The following FREM2 variants were observed in gnomAD, a reference collection of about 807,000 sequenced individuals.
The protein encoded by FREM2 is FRAS1-related extracellular matrix protein 2.
In FREM2, 119 loss-of-function variants were observed where a neutral mutation model predicts 219.9. The ratio of observed to expected loss-of-function variants is 0.54; its 90% CI spans 0.47 to 0.63. The LOEUF (loss-of-function observed/expected upper bound fraction) is 0.63. FREM2 is among the 30% of genes least tolerant of loss of function. The pLI, the probability that FREM2 is intolerant of heterozygous loss-of-function variation, is 0.00. For missense variants in FREM2, 4,030 were observed against 3,993.6 expected (o/e 1.01, Z -0.25); for synonymous variants, 1,562 against 1,522.8 (o/e 1.03, Z -0.60).
intron 2 of FREM2, among the ~76,000 whole-genome samples, chr13:38,751,730 T>C (rs1338872100): frequency 6.6e-6 from 1 of 152,212 alleles, no homozygotes; most frequent in East Asian, 1.9e-4. Context: ...AACTTTATAC[T>C]TCCTAACATA....
At chr13:38,840,169 C>G (rs115888653) in intron 6 of FREM2, among the ~76,000 whole-genome samples, 4,974 of 152,164 alleles carry the variant, frequency 0.033, 122 homozygotes, top group Middle Eastern at 0.075. Context: ...CACAGTTCCT[C>G]ACGGCACAGT....
At chr13:38,822,852 T>C (rs563064582) in intron 6 of FREM2, among the ~76,000 whole-genome samples, 1 of 149,204 alleles carries the variant, frequency 6.7e-6, no homozygotes, top group Non-Finnish European at 1.5e-5. Context: ...TCCCTTGACA[T>C]CTCTGTGAAG....
chr13:38,777,626 ACTAG>A (rs1490097618), intron 4 of FREM2, among the ~76,000 whole-genome samples: 1 of 152,228 alleles, frequency 6.6e-6, no homozygotes, highest in African/African-American at 2.4e-5. Flanking sequence ...CTCCATGCCT[ACTAG>A]CTAAGAATTT....
chr13:38,781,727 A>ACAC (rs1470687904), intron 4 of FREM2, among the ~76,000 whole-genome samples: 14 of 152,216 alleles, frequency 9.2e-5, no homozygotes, highest in African/African-American at 3.4e-4. Flanking sequence ...ATTTAAAAAG[A>ACAC]ATTGAATCAC....
At chr13:38,872,979 T>TTG in intron 17 of FREM2, 45 bp downstream of exon 17, 1 of 1,567,312 alleles carries the variant, frequency 6.4e-7, no homozygotes, top group Non-Finnish European at 8.8e-7. Flanking sequence ...TGTAACCTAT[T>TTG]TAAACTATTT....
intron 6 of FREM2, among the ~76,000 whole-genome samples, chr13:38,840,918 A>T (rs1252377888): frequency 1.3e-5 from 2 of 152,150 alleles, no homozygotes; most frequent in Admixed American, 6.5e-5. Context: ...TCTATATGAC[A>T]GGTCCTCATA....
chr13:38,715,302 C>T (rs770096399), intron 2 of FREM2, among the ~76,000 whole-genome samples: 5 of 152,032 alleles, frequency 3.3e-5, no homozygotes, highest in East Asian at 1.9e-4. Flanking sequence ...TAAATAGTGA[C>T]GTACCAAAAG....
rs1869489651 is a variant in FREM2, at chr13:38,687,203, C to T, written c.-142C>T. The stretch of plus-strand genomic sequence containing the variant: ...GGCGCCGCGCAACTTTGCCATCCTT[C>T]TGGCCCAGCCCCGGCTACAGGAGGA... On this transcript the variant is annotated 5_prime_UTR_variant, in exon 1 of 24. Transcript: ENST00000280481. 2 of 1,227,704 alleles carry T rather than the reference C, an allele frequency of 1.6e-6. No individual in the cohort carries two copies. Among genetic ancestry groups the T allele is most frequent in the African/African-American group, 1.5e-5 (1 of 66,896 alleles). 76.1% of individuals were successfully genotyped at this position (1,227,704 alleles called of 1,614,324 possible). A position where few individuals can be genotyped will look rare whatever the true frequency, so the allele number is the denominator to read the frequency against.
chr13:38,796,125 G>GGGAA (rs1874769107), intron 6 of FREM2, among the ~76,000 whole-genome samples: 1 of 152,056 alleles, frequency 6.6e-6, no homozygotes, highest in Non-Finnish European at 1.5e-5. Context: ...GGGAAAACAG[G>GGGAA]TACCTGGATC....
chr13:38,841,967 C>G (rs1481906998), intron 6 of FREM2, among the ~76,000 whole-genome samples: 1 of 152,112 alleles, frequency 6.6e-6, no homozygotes, highest in Non-Finnish European at 1.5e-5. Flanking sequence ...TGAGCAAGGG[C>G]TTTGTTTGGT....
chr13:38,847,069 A>T lies in FREM2; in HGVS notation c.6169+347A>T, dbSNP rs145544182. On this transcript the variant is annotated intron_variant, in intron 7 of 23. Coordinates refer to ENST00000280481, the MANE Select transcript of FREM2 (RefSeq NM_207361.6). ...AAAATCATCTTACTGCACATAATCT[A>T]TCCCCACAGAAACCTATGACATTTA... Among the ~76,000 whole-genome samples the T allele has an allele frequency of 2.0e-5, 3 of 152,272 alleles. No homozygotes were observed. In the East Asian group the frequency reaches 5.8e-4, roughly 29 times the overall value.
chr13:38,750,283 T>G (rs1356964322), intron 2 of FREM2, among the ~76,000 whole-genome samples: 1 of 152,148 alleles, frequency 6.6e-6, no homozygotes. Context: ...GGCCGGTCTT[T>G]CCCTTGCTGT....
chr13:38,753,611 T>C (rs2496396), intron 2 of FREM2, among the ~76,000 whole-genome samples: 144,075 of 152,316 alleles, frequency 0.95, 68,630 homozygotes, highest in East Asian at 1. Context: ...CAGCCACTCA[T>C]ATCACAGTGT....
At chr13:38,842,569 G>A (rs905856542) in intron 6 of FREM2, among the ~76,000 whole-genome samples, 1 of 152,174 alleles carries the variant, frequency 6.6e-6, no homozygotes, top group African/African-American at 2.4e-5. Flanking sequence ...GACAAAAAAG[G>A]CAGCATTAAA....
Position 38,859,590 on chromosome 13 carries a change from G to A in FREM2, c.7519G>A (p.Gly2507Ser). The change falls in exon 14 of 24, where the codon GGT becomes AGT. Residue 2507 changes from glycine to serine, a missense_variant and splice_region_variant. Transcript: ENST00000280481. ...SPIVTISREEGLCQPRVPGVV... is the reference protein window; with the variant it reads ...SPIVTISREESLCQPRVPGVV... ...TATTGTAACCATCAGCAGAGAAGAA[G>A]GTCAGTCATTGCCATTTTCCCCTGA... 1.2e-6 allele frequency: 2 copies of A among 1,613,346 alleles called. No individual in the cohort carries two copies. Among genetic ancestry groups the A allele is most frequent in the Non-Finnish European group, 1.7e-6 (2 of 1,179,848 alleles).
chr13:38,736,288 C>A (rs1343062421), intron 2 of FREM2, among the ~76,000 whole-genome samples: 1 of 152,060 alleles, frequency 6.6e-6, no homozygotes, highest in Admixed American at 6.6e-5. Flanking sequence ...AAAATTGTTT[C>A]AAAAGGAAAC....
intron 16 of FREM2, among the ~76,000 whole-genome samples, chr13:38,867,578 C>T (rs751905447): frequency 1.3e-5 from 2 of 152,144 alleles, no homozygotes; most frequent in African/African-American, 4.8e-5. Flanking sequence ...AATTAGCTCA[C>T]GAGATCGTAG....
intron 1 of FREM2, among the ~76,000 whole-genome samples, chr13:38,695,471 A>T (rs139127063): frequency 2.2e-4 from 34 of 152,238 alleles, no homozygotes; most frequent in Admixed American, 1.1e-3. Flanking sequence ...TGAAGTGAGG[A>T]TTTATTTCAA....
Position 38,876,251 on chromosome 13 carries a change from C to G in FREM2, c.8413C>G (p.Arg2805Gly). 6.2e-7 allele frequency: 1 copy of G among 1,613,982 alleles called. No homozygotes were observed. Among genetic ancestry groups the G allele is most frequent in the Non-Finnish European group, 8.5e-7 (1 of 1,179,954 alleles). ...TATCAATATCTTCTCCTCAAAGGTA[C>G]GTGACTACTCAGGGACCTATACTGT... ...QWSFVSDFAV[R>G]DYSGTYTVKL... is the part of the protein sequence containing the mutation. The change falls in exon 20 of 24, where the codon CGT (arginine) becomes GGT (glycine). Residue 2805 changes from arginine (R) to glycine (G), a missense_variant. Arg to Gly is a moderately radical substitution (Grantham distance 125). This residue lies in a region of FREM2 where 928 missense variants were observed against 1,042.9 expected (regional missense o/e 0.89). Transcript: ENST00000280481.
Sources: gnomAD v4.1 joint callset for allele counts (sites outside exome capture counted in the v4.1 genomes callset) on GRCh38, gnomAD v4.1.1 for gene constraint, gnomAD v4.1.1 regional missense constraint, MANE v1.5 for transcripts, NCBI Gene and HGNC (gene_info 2026-07-23, HGNC 2026-07-21) for gene names.